AKAP12: variants seen among roughly 807,000 people sequenced by gnomAD.
AKAP12 encodes the protein A-kinase anchor protein 12.
In AKAP12, 32 loss-of-function variants were observed where a neutral mutation model predicts 79.9. That is an observed-to-expected ratio of 0.40 (90% confidence interval 0.30 to 0.54). The LOEUF (loss-of-function observed/expected upper bound fraction) is 0.54, where lower values mean the gene tolerates loss of function less well. Among genes scored for constraint, AKAP12 ranks in the 20% least tolerant of loss-of-function variants. The pLI, the probability that AKAP12 is intolerant of heterozygous loss-of-function variation, is 0.48. For synonymous variants in AKAP12, 808 were observed against 857.0 expected (o/e 0.94, Z 1.00); for missense variants, 2,074 against 2,177.0 (o/e 0.95, Z 0.94).
At chr6:151,312,165 C>T (rs542645509) in intron 3 of AKAP12, among the ~76,000 whole-genome samples, 1 of 152,300 alleles carries the variant, frequency 6.6e-6, no homozygotes, top group Non-Finnish European at 1.5e-5. Flanking sequence ...CTCACCCACA[C>T]TTTGGCTAAA....
chr6:151,246,731 T>C (rs1797082283), intron 2 of AKAP12, among the ~76,000 whole-genome samples: 1 of 152,140 alleles, frequency 6.6e-6, no homozygotes, highest in Admixed American at 6.6e-5. Flanking sequence ...GTTAATTAAT[T>C]TTCATTTTCA....
chr6:151,247,582 A>C (rs1223864740), intron 2 of AKAP12, among the ~76,000 whole-genome samples: 1 of 152,140 alleles, frequency 6.6e-6, no homozygotes, highest in African/African-American at 2.4e-5. Context: ...TTGGAGGATG[A>C]CCTACTTCTT....
chr6:151,258,789 A>G (rs934167721), intron 2 of AKAP12, among the ~76,000 whole-genome samples: 11 of 151,324 alleles, frequency 7.3e-5, no homozygotes, highest in African/African-American at 2.7e-4. Flanking sequence ...CTGCTACACC[A>G]GCTAATTTTT....
At chr6:151,276,859 A>G (rs1180876526) in intron 2 of AKAP12, among the ~76,000 whole-genome samples, 1 of 152,230 alleles carries the variant, frequency 6.6e-6, no homozygotes, top group East Asian at 1.9e-4. Flanking sequence ...AGTAGTAAGA[A>G]TACAAGGGGA....
chr6:151,315,552 T>C (rs1241930688), intron 3 of AKAP12, among the ~76,000 whole-genome samples: 1 of 152,214 alleles, frequency 6.6e-6, no homozygotes, highest in African/African-American at 2.4e-5. Flanking sequence ...CTGTTTTATT[T>C]ATGGAATGAA....
At chr6:151,259,672 A>G (rs991178710) in intron 2 of AKAP12, among the ~76,000 whole-genome samples, 5 of 147,586 alleles carry the variant, frequency 3.4e-5, no homozygotes, top group Non-Finnish European at 5.9e-5. Context: ...TCCACCTGCC[A>G]GGTTCAAGCT....
intron 3 of AKAP12, among the ~76,000 whole-genome samples, chr6:151,334,662 C>T (rs1448028483): frequency 2.0e-5 from 3 of 151,004 alleles, no homozygotes; most frequent in East Asian, 4.0e-4. Flanking sequence ...TGCTCTGTCG[C>T]CCAGGCTGGA....
chr6:151,287,318 G>A (rs1224019614), intron 2 of AKAP12, among the ~76,000 whole-genome samples: 1 of 151,980 alleles, frequency 6.6e-6, no homozygotes, highest in Non-Finnish European at 1.5e-5. Context: ...GGAGTACAGT[G>A]GCACAATCAT....
Position 151,350,681 on chromosome 6 carries a change from A to C in AKAP12, c.2290A>C (p.Arg764=). ...EGVSTWESFK[R]LVTPRKKSKS... The stretch of plus-strand genomic sequence containing the variant: ...CGTTTCCACCTGGGAGTCATTTAAA[A>C]GGTTAGTCACGCCAAGAAAAAAATC... Residue 764 remains arginine, a synonymous_variant, in exon 4 of 5, where the codon AGG becomes CGG. Coordinates refer to ENST00000402676, the MANE Select transcript of AKAP12 (RefSeq NM_005100.4). This position sits in a 1 kb window ranked among gnomAD's most constrained non-coding sequence, Gnocchi z 4.8. The C allele has an allele frequency of 1.2e-6, 2 of 1,613,828 alleles. No homozygotes were observed. Among genetic ancestry groups the C allele is most frequent in the Non-Finnish European group, 1.7e-6 (2 of 1,179,954 alleles).
chr6:151,298,410 C>T (rs1293794332), intron 2 of AKAP12, among the ~76,000 whole-genome samples: 2 of 152,122 alleles, frequency 1.3e-5, no homozygotes, highest in Non-Finnish European at 2.9e-5. Context: ...AATAGTATAA[C>T]AAAGACAGCT....
Position 151,350,766 on chromosome 6 carries a change from C to A in AKAP12, c.2375C>A (p.Ser792Tyr). ...ATAGCTGGGTCTGGTGTAGAACATTCCACTCCAGACACTGAACCCGGTAAA... is the reference window on the plus strand; with the variant it reads ...ATAGCTGGGTCTGGTGTAGAACATTACACTCCAGACACTGAACCCGGTAAA... ...DSIAGSGVEH[S>Y]TPDTEPGKEE... Residue 792 changes from serine to tyrosine, a missense_variant, in exon 4 of 5, where the codon TCC (serine) becomes TAC (tyrosine). By Grantham distance (144) the Ser-to-Tyr change is moderately radical. Around this residue, in one of 3 missense-constraint regions of AKAP12, gnomAD observed 1,428 missense variants for 1,451.0 expected, o/e 0.98. Transcript: ENST00000402676. This position sits in a 1 kb window ranked among gnomAD's most constrained non-coding sequence, Gnocchi z 4.8. 1 of 1,613,956 alleles carries A rather than the reference C, an allele frequency of 6.2e-7. No homozygotes were observed. The highest frequency in any genetic ancestry group is 1.1e-5 in the South Asian group (1 of 91,070).
intron 2 of AKAP12, among the ~76,000 whole-genome samples, chr6:151,259,458 A>G (rs1418496929): frequency 6.9e-6 from 1 of 144,826 alleles, no homozygotes; most frequent in African/African-American, 2.7e-5. Flanking sequence ...ATATATACAC[A>G]CATATATACA....
intron 3 of AKAP12, among the ~76,000 whole-genome samples, chr6:151,320,607 G>C (rs1228590197): frequency 6.6e-6 from 1 of 151,964 alleles, no homozygotes; most frequent in African/African-American, 2.4e-5. Context: ...ATTCCGTTCG[G>C]GTGATCCCAC....
In AKAP12 at chr6:151,305,901, A is replaced by T; in HGVS notation, c.317A>T (p.Glu106Val). ...GAGGAAGAAGAAGTCATTGTCACAG[A>T]GGGTAAGCCGCCCCTCCAGGAACTG... ...SQEEEEVIVT[E>V]VGQRDSEDVS... Residue 106 changes from glutamate (E) to valine (V), a missense_variant and splice_region_variant, in exon 3 of 5, where the codon GAG becomes GTG. Glu to Val is a moderately radical substitution (Grantham distance 121). This residue lies in a region of AKAP12 where 1,428 missense variants were observed against 1,451.0 expected (regional missense o/e 0.98). Transcript: ENST00000402676. 6.2e-7 allele frequency: 1 copy of T among 1,604,458 alleles called. No homozygotes were observed. Among genetic ancestry groups the T allele is most frequent in the Non-Finnish European group, 8.5e-7 (1 of 1,175,226 alleles).
At chr6:151,312,159 C>T (rs1777119581) in intron 3 of AKAP12, among the ~76,000 whole-genome samples, 1 of 152,154 alleles carries the variant, frequency 6.6e-6, no homozygotes, top group Non-Finnish European at 1.5e-5. Context: ...CTGTCTCTCA[C>T]CCACACTTTG....
chr6:151,288,460 T>C (rs1415742304), intron 2 of AKAP12, among the ~76,000 whole-genome samples: 2 of 152,042 alleles, frequency 1.3e-5, no homozygotes, highest in Non-Finnish European at 2.9e-5. Context: ...TACAGTGAGC[T>C]GAGATCGCGC....
intron 3 of AKAP12, among the ~76,000 whole-genome samples, chr6:151,314,696 T>C (rs1040654252): frequency 6.6e-6 from 1 of 152,196 alleles, no homozygotes; most frequent in Non-Finnish European, 1.5e-5. Flanking sequence ...GTCCATGTTC[T>C]GGCCCATTTG....
At chr6:151,344,085 CAA>C in intron 3 of AKAP12, 1 of 241,096 alleles carries the variant, frequency 4.1e-6, no homozygotes, top group Non-Finnish European at 8.5e-6. Context: ...ATGTTGGTCA[CAA>C]ATGTGTATTT....
chr6:151,255,626 T>C (rs1357322745), intron 2 of AKAP12, among the ~76,000 whole-genome samples: 1 of 151,900 alleles, frequency 6.6e-6, no homozygotes, highest in Middle Eastern at 3.2e-3. Flanking sequence ...ACTGGGACCC[T>C]GCCTCTACAA....
Sources: gnomAD v4.1 joint callset for allele counts (sites outside exome capture counted in the v4.1 genomes callset) on GRCh38, gnomAD v4.1.1 for gene constraint, gnomAD v4.1.1 regional missense constraint, Gnocchi (gnomAD v3.1) non-coding constraint, MANE v1.5 for transcripts, NCBI Gene and HGNC (gene_info 2026-07-23, HGNC 2026-07-21) for gene names.